The following NCS1 variants were observed in gnomAD, a reference collection of about 807,000 sequenced individuals.
The protein encoded by NCS1 is neuronal calcium sensor 1.
NCS1 carries 6 observed loss-of-function variants against 28.4 expected under a neutral mutation model. That is an observed-to-expected ratio of 0.21 (90% confidence interval 0.12 to 0.42). The LOEUF is 0.42. Ranked by LOEUF, NCS1 falls within the 10% of genes least tolerant of loss-of-function variation. The probability of loss-of-function intolerance (pLI) is 1.00; values close to 1 mark genes in which losing one functional copy is unlikely to be tolerated. For synonymous variants in NCS1, 86 were observed against 99.3 expected, an observed-to-expected ratio of 0.87 and a Z score of 0.79; for missense variants, 131 against 241.4, an observed-to-expected ratio of 0.54 and a Z score of 3.03.
Position 130,219,696 on chromosome 9 carries a change from C to G in NCS1, c.229-29C>G, listed in dbSNP as rs782373629. The G allele has an allele frequency of 7.4e-6, 12 of 1,612,230 alleles. No individual in the cohort carries two copies. In the East Asian group the frequency reaches 2.7e-4, roughly 36 times the overall value. On this transcript the variant is annotated intron_variant, in intron 3 of 7. Transcript: ENST00000372398. The surrounding 1 kb of genome is among the most constrained non-coding windows in gnomAD (Gnocchi z 5.7). ...GACCCGGTGGCCTGGCCGGCACTGA[C>G]TGAGGCAATCCCCTCTCTCTCCTGT...
rs1474472647 is a variant in NCS1 at position 130,177,776 on chromosome 9, A to C, written c.64+5049A>C. Among the ~76,000 whole-genome samples the C allele has an allele frequency of 6.6e-6, 1 of 152,172 alleles. No individual in the cohort carries two copies. ...TTCCAACTCCATGGATCTAAACAGG[A>C]GAAGCTTTGCAGTCCGGGGAGCGGG... On this transcript the variant is annotated intron_variant, in intron 1 of 7. Transcript: ENST00000372398. The surrounding 1 kb of genome is among the most constrained non-coding windows in gnomAD (Gnocchi z 4.4).
intron 1 of NCS1, among the ~76,000 whole-genome samples, chr9:130,185,063 G>C (rs1156689533): frequency 1.3e-5 from 2 of 151,864 alleles, no homozygotes; most frequent in African/African-American, 4.8e-5. Context: ...CCAGCCCTCT[G>C]CTTCCTCCCA....
chr9:130,182,078 C>T (rs1316210033), intron 1 of NCS1, among the ~76,000 whole-genome samples: 3 of 151,978 alleles, frequency 2.0e-5, no homozygotes, highest in African/African-American at 7.3e-5. Context: ...ACAGCAATGA[C>T]GACCACCGTT....
At chr9:130,213,927 C>T (rs1464257331) in intron 2 of NCS1, among the ~76,000 whole-genome samples, 1 of 152,218 alleles carries the variant, frequency 6.6e-6, no homozygotes, top group Non-Finnish European at 1.5e-5. Flanking sequence ...TAGGTCTCAG[C>T]CAGGGTCTCT....
intron 2 of NCS1, 37 bp downstream of exon 2, chr9:130,201,019 G>A (rs2131135350): frequency 6.2e-7 from 1 of 1,613,950 alleles, no homozygotes; most frequent in Non-Finnish European, 8.5e-7. Context: ...TAGAGGGGCT[G>A]CGGCTGTGGG....
At chr9:130,205,537 GAAAA>G (rs1194053393) in intron 2 of NCS1, among the ~76,000 whole-genome samples, 2 of 115,166 alleles carry the variant, frequency 1.7e-5, no homozygotes, top group African/African-American at 6.9e-5. Flanking sequence ...TCGTCTCTTA[GAAAA>G]AAAAAAAAAA....
Position 130,226,453 on chromosome 9 carries a change from T to C in NCS1, c.539T>C (p.Val180Ala), listed in dbSNP as rs1554911392. ...QEGSKADPSI[V>A]QALSLYDGLV ...GGTTCCAAGGCAGACCCGTCCATTGTGCAGGCGCTGTCCCTCTACGACGGG... is the reference window on the plus strand; with the variant it reads ...GGTTCCAAGGCAGACCCGTCCATTGCGCAGGCGCTGTCCCTCTACGACGGG... The change falls in exon 7 of 8, where the codon GTG becomes GCG. Residue 180 changes from valine (V) to alanine (A), a missense_variant. Transcript: ENST00000372398. The surrounding 1 kb of genome is among the most constrained non-coding windows in gnomAD (Gnocchi z 4.8). The C allele has an allele frequency of 6.2e-7, 1 of 1,614,124 alleles. No individual in the cohort carries two copies.
intron 2 of NCS1, among the ~76,000 whole-genome samples, chr9:130,203,906 C>A (rs1271463004): frequency 2.6e-5 from 4 of 152,242 alleles, no homozygotes; most frequent in African/African-American, 4.8e-5. Context: ...TGGGCCTTCT[C>A]CTGGAGCCGC....
Position 130,181,285 on chromosome 9 carries a change from A to G in NCS1, c.64+8558A>G, listed in dbSNP as rs1304301812. 6.6e-6 allele frequency among the ~76,000 whole-genome samples: 1 copy of G among 152,046 alleles called. No homozygotes were observed. Among genetic ancestry groups the G allele is most frequent in the Non-Finnish European group, 1.5e-5 (1 of 68,008 alleles). On this transcript the variant is annotated intron_variant, in intron 1 of 7. Transcript: ENST00000372398. The surrounding 1 kb of genome is among the most constrained non-coding windows in gnomAD (Gnocchi z 5.0). ...GTTGGGGATAAGGGACTTCTACTACACAGAGCCGTGTGCGGGGTTAGGAAT... is the reference window on the plus strand; with the variant it reads ...GTTGGGGATAAGGGACTTCTACTACGCAGAGCCGTGTGCGGGGTTAGGAAT...
chr9:130,211,489 A>G (rs1293641762), intron 2 of NCS1, among the ~76,000 whole-genome samples: 2 of 151,364 alleles, frequency 1.3e-5, no homozygotes, highest in African/African-American at 2.4e-5. Flanking sequence ...TGAGCCAGCA[A>G]TGATGCTGGG....
At chr9:130,208,941 G>A (rs1833071055) in intron 2 of NCS1, among the ~76,000 whole-genome samples, 1 of 152,076 alleles carries the variant, frequency 6.6e-6, no homozygotes, top group South Asian at 2.1e-4. Context: ...GAATATTGGG[G>A]CTCAGACCCG....
In NCS1 at chr9:130,225,649, C is replaced by G. The variant is rs373940979; in HGVS notation, c.475-740C>G. Among the ~76,000 whole-genome samples the G allele has an allele frequency of 1.3e-4, 20 of 152,368 alleles. No individual in the cohort carries two copies. In the East Asian group the frequency reaches 2.5e-3, roughly 19 times the overall value. On this transcript the variant is annotated intron_variant, in intron 6 of 7. Transcript: ENST00000372398. ...TAAAATGGGGATGAGAGCAGCACCC[C>G]CTTCTTGGCTTGGCCGTGAGGGTTC...
rs1001739708 is a variant in NCS1, at chr9:130,175,211, T to A, written c.64+2484T>A. Among the ~76,000 whole-genome samples, 2 of 152,076 alleles carry A rather than the reference T, an allele frequency of 1.3e-5. No individual in the cohort carries two copies. Among genetic ancestry groups the A allele is most frequent in the African/African-American group, 4.8e-5 (2 of 41,404 alleles). On this transcript the variant is annotated intron_variant, in intron 1 of 7. Transcript: ENST00000372398. This position sits in a 1 kb window ranked among gnomAD's most constrained non-coding sequence, Gnocchi z 4.9. ...CCCCCATGTGTTGGCCTTTAGTAGG[T>A]TCACAGAATGAAAAGTCTCCCAACA...
rs923444759 is a variant in NCS1, at chr9:130,234,523, G to C, written c.*1551G>C. 6.6e-6 allele frequency: 1 copy of C among 152,356 alleles called. No individual in the cohort carries two copies. Among genetic ancestry groups the C allele is most frequent in the Admixed American group, 6.5e-5 (1 of 15,282 alleles). The allele number at this position is 152,356 out of a possible 1,614,324, so 9.4% of individuals were successfully genotyped here. On this transcript the variant is annotated 3_prime_UTR_variant, in exon 8 of 8. Transcript: ENST00000372398. This position sits in a 1 kb window ranked among gnomAD's most constrained non-coding sequence, Gnocchi z 6.1. The stretch of plus-strand genomic sequence containing the variant: ...GTCTCAGTTGCCCCATCTGCAGAGC[G>C]AGGAGGCCCGGGCTGGTTGGTCTTG...
At chr9:130,197,346 A>G (rs1358698986) in intron 1 of NCS1, among the ~76,000 whole-genome samples, 2 of 152,236 alleles carry the variant, frequency 1.3e-5, no homozygotes, top group Admixed American at 1.3e-4. Flanking sequence ...TTCAAGAAAA[A>G]TCCTGAGTGA....
Position 130,172,637 on chromosome 9 carries a change from G to GGGGGGC in NCS1, c.-20_-15dup. 7.0e-7 allele frequency: 1 copy of GGGGGGC among 1,419,114 alleles called. No homozygotes were observed. Among genetic ancestry groups the GGGGGGC allele is most frequent in the Non-Finnish European group, 9.4e-7 (1 of 1,069,244 alleles). 87.9% of individuals were successfully genotyped at this position (1,419,114 alleles called of 1,614,324 possible). On this transcript the variant is annotated 5_prime_UTR_variant, in exon 1 of 8. Transcript: ENST00000372398. ...GGGCGCCCCAACCGGGTCCGGCCCG[G>GGGGGGC]GGGGGCGGGGGCCGCGGCCGCCGAG... is the stretch of plus-strand genomic sequence containing the variant.
At chr9:130,228,375 G>GT (rs1564715926) in intron 7 of NCS1, among the ~76,000 whole-genome samples, 1 of 151,306 alleles carries the variant, frequency 6.6e-6, no homozygotes, top group Non-Finnish European at 1.5e-5. Flanking sequence ...TTTTTTGTTT[G>GT]TTTGTTTTGT....
Position 130,189,204 on chromosome 9 carries a change from A to G in NCS1, c.65-11754A>G, listed in dbSNP as rs569281513. Among the ~76,000 whole-genome samples the G allele has an allele frequency of 2.0e-5, 3 of 152,318 alleles. No homozygotes were observed. The South Asian group carries it at 6.2e-4, about 32-fold the overall frequency. ...AGAAATTAATTGCTGGATGAAGGAAAGGGTGAAAATCCTGTTTGTTCCTTT... is the reference window on the plus strand; with the variant it reads ...AGAAATTAATTGCTGGATGAAGGAAGGGGTGAAAATCCTGTTTGTTCCTTT... On this transcript the variant is annotated intron_variant, in intron 1 of 7. Transcript: ENST00000372398.
intron 4 of NCS1, among the ~76,000 whole-genome samples, chr9:130,220,395 A>G (rs1833261038): frequency 6.6e-6 from 1 of 152,156 alleles, no homozygotes; most frequent in South Asian, 2.1e-4. Flanking sequence ...AGGATTTAAA[A>G]AAAAACCTCA....
Sources: gnomAD v4.1 joint callset for allele counts (sites outside exome capture counted in the v4.1 genomes callset) on GRCh38, gnomAD v4.1.1 for gene constraint, Gnocchi (gnomAD v3.1) non-coding constraint, MANE v1.5 for transcripts, NCBI Gene and HGNC (gene_info 2026-07-23, HGNC 2026-07-21) for gene names.